Variants in UBE2E2 observed in about 807,000 individuals in gnomAD.
UBE2E2 encodes ubiquitin conjugating enzyme E2 E2, also known as ubiquitin-conjugating enzyme E2 E2.
UBE2E2 carries 6 observed loss-of-function variants against 24.7 expected under a neutral mutation model. That is an observed-to-expected ratio of 0.24 (90% CI 0.13 to 0.48). The LOEUF is 0.48. UBE2E2 is among the 20% of genes least tolerant of loss of function. The probability of loss-of-function intolerance (pLI) is 0.99; values close to 1 mark genes in which losing one functional copy is unlikely to be tolerated. For missense variants in UBE2E2, 169 were observed against 245.0 expected, an observed-to-expected ratio of 0.69 and a Z score of 2.07; for synonymous variants, 104 against 83.6, an observed-to-expected ratio of 1.24 and a Z score of -1.33.
chr3:23,568,698 T>TATATACAC (rs1559424940), intron 5 of UBE2E2, among the ~76,000 whole-genome samples: 5 of 59,470 alleles, frequency 8.4e-5, no homozygotes, highest in East Asian at 6.0e-4. Context: ...TATACACACA[T>TATATACAC]ATATATATAC....
chr3:23,574,982 G>T (rs974672395), intron 5 of UBE2E2, among the ~76,000 whole-genome samples: 5 of 152,130 alleles, frequency 3.3e-5, no homozygotes, highest in African/African-American at 1.2e-4. Flanking sequence ...AAGGAAATGC[G>T]CATTGGAGCA....
chr3:23,446,706 T>G (rs950707678), intron 3 of UBE2E2, among the ~76,000 whole-genome samples: 1 of 141,716 alleles, frequency 7.1e-6, no homozygotes, highest in Non-Finnish European at 1.5e-5. Flanking sequence ...TTGGTTTTTT[T>G]TTTTTTTTTT....
intron 5 of UBE2E2, among the ~76,000 whole-genome samples, chr3:23,538,830 G>GGGGT (rs1366345409): frequency 6.6e-6 from 1 of 152,082 alleles, no homozygotes; most frequent in Non-Finnish European, 1.5e-5. Flanking sequence ...ATTTGTAAAT[G>GGGGT]CAAATTTTAA....
At chr3:23,376,310 A>G (rs1012871292) in intron 3 of UBE2E2, among the ~76,000 whole-genome samples, 1 of 152,202 alleles carries the variant, frequency 6.6e-6, no homozygotes, top group Non-Finnish European at 1.5e-5. Flanking sequence ...TTTGTGTGGT[A>G]GAAGTAAGGA....
chr3:23,431,806 C>T (rs1352696233), intron 3 of UBE2E2, among the ~76,000 whole-genome samples: 1 of 152,070 alleles, frequency 6.6e-6, no homozygotes, highest in Non-Finnish European at 1.5e-5. Context: ...TTATGTGATA[C>T]TTTGTGAAAA....
At chr3:23,539,186 T>A (rs1445538429) in intron 5 of UBE2E2, among the ~76,000 whole-genome samples, 1 of 152,188 alleles carries the variant, frequency 6.6e-6, no homozygotes, top group Admixed American at 6.5e-5. Flanking sequence ...TATTTCTGCT[T>A]TGTGTGGGCA....
chr3:23,539,480 G>A (rs1308840966), intron 5 of UBE2E2, among the ~76,000 whole-genome samples: 1 of 152,088 alleles, frequency 6.6e-6, no homozygotes, highest in Non-Finnish European at 1.5e-5. Flanking sequence ...TAACTAAAAG[G>A]GCCTTTGGAG....
At chr3:23,546,107 A>G (rs60014070) in intron 5 of UBE2E2, among the ~76,000 whole-genome samples, 5,338 of 152,312 alleles carry the variant, frequency 0.035, 335 homozygotes, top group African/African-American at 0.12. Context: ...ACCACTATAC[A>G]GTTTATCCAT....
In UBE2E2 at chr3:23,310,648, C is replaced by A. The variant is rs551614720; in HGVS notation, c.227+93336C>A. ...CCTGTAATCTCAAGGACTTGGGAGA[C>A]TGAGGCAGGAGGATCACTTGAGCCC... is the stretch of plus-strand genomic sequence containing the variant. On this transcript the variant is annotated intron_variant, in intron 3 of 5. Transcript: ENST00000396703. Among the ~76,000 whole-genome samples the A allele has an allele frequency of 3.9e-5, 6 of 152,226 alleles. No homozygotes were observed. The East Asian group carries it at 1.2e-3, about 29-fold the overall frequency.
chr3:23,407,815 A>G lies in UBE2E2; in HGVS notation c.228-91793A>G, dbSNP rs1212803549. Among the ~76,000 whole-genome samples, 1 of 152,064 alleles carries G rather than the reference A, an allele frequency of 6.6e-6. No homozygotes were observed. The highest frequency in any genetic ancestry group is 1.5e-5 in the Non-Finnish European group (1 of 68,000). ...CTGCTTACCCTTCTGGGAAATAGTT[A>G]CCAATAATATAGGAAATATAAAAAA... On this transcript the variant is annotated intron_variant, in intron 3 of 5. Coordinates refer to ENST00000396703, the MANE Select transcript of UBE2E2 (RefSeq NM_152653.4). The surrounding 1 kb of genome is among the most constrained non-coding windows in gnomAD (Gnocchi z 4.0).
intron 3 of UBE2E2, among the ~76,000 whole-genome samples, chr3:23,409,940 C>T (rs1697460525): frequency 6.6e-6 from 1 of 152,206 alleles, no homozygotes; most frequent in Non-Finnish European, 1.5e-5. Flanking sequence ...TTCTCTTATA[C>T]AGTCACCAGT....
At chr3:23,213,809 C>T (rs1696392662) in intron 2 of UBE2E2, among the ~76,000 whole-genome samples, 3 of 152,116 alleles carry the variant, frequency 2.0e-5, no homozygotes, top group African/African-American at 7.2e-5. Context: ...TTAGAGAATT[C>T]TGTGAGATTT....
At chr3:23,501,745 G>C (rs1468212906) in intron 4 of UBE2E2, among the ~76,000 whole-genome samples, 1 of 152,136 alleles carries the variant, frequency 6.6e-6, no homozygotes, top group Non-Finnish European at 1.5e-5. Flanking sequence ...AGGGAAATCT[G>C]ACCCACAGTG....
At chr3:23,550,528 T>C (rs776527370) in intron 5 of UBE2E2, among the ~76,000 whole-genome samples, 9 of 152,194 alleles carry the variant, frequency 5.9e-5, no homozygotes, top group Admixed American at 1.3e-4. Flanking sequence ...AGAGTTTTGT[T>C]ATCGCAAACT....
chr3:23,257,498 T>C (rs1358737036), intron 3 of UBE2E2, among the ~76,000 whole-genome samples: 6 of 136,040 alleles, frequency 4.4e-5, no homozygotes, highest in Non-Finnish European at 9.6e-5. Flanking sequence ...GAATTTCTTC[T>C]GGCTGTTTCC....
chr3:23,256,420 C>T (rs895262087), intron 3 of UBE2E2, among the ~76,000 whole-genome samples: 11 of 152,040 alleles, frequency 7.2e-5, no homozygotes, highest in African/African-American at 2.4e-4. Flanking sequence ...ACAAAGTATA[C>T]GTGTGTGTAT....
chr3:23,323,662 T>C (rs1694807074), intron 3 of UBE2E2: 9 of 338,374 alleles, frequency 2.7e-5, no homozygotes, highest in South Asian at 2.0e-4. Context: ...GCATTTCAGA[T>C]AAGGGCTATT....
At chr3:23,230,333 A>C (rs1575488424) in intron 3 of UBE2E2, among the ~76,000 whole-genome samples, 3 of 152,330 alleles carry the variant, frequency 2.0e-5, no homozygotes, top group Admixed American at 2.0e-4. Context: ...AAGGATGTGG[A>C]GTTTAAAAGC....
chr3:23,432,442 A>T (rs1435723776), intron 3 of UBE2E2, among the ~76,000 whole-genome samples: 1 of 152,086 alleles, frequency 6.6e-6, no homozygotes, highest in Non-Finnish European at 1.5e-5. Flanking sequence ...ACTTTAAACA[A>T]ATTTTTTACA....
Sources: allele counts gnomAD v4.1 joint callset (sites outside exome capture counted in the v4.1 genomes callset), GRCh38; gene constraint gnomAD v4.1.1; non-coding constraint Gnocchi (gnomAD v3.1); transcripts MANE v1.5; gene names NCBI Gene and HGNC (gene_info 2026-07-23, HGNC 2026-07-21).